The following AGO2 variants were observed in gnomAD, a reference collection of about 807,000 sequenced individuals.
AGO2 encodes argonaute RISC catalytic component 2, also known as protein argonaute-2.
AGO2 carries 5 observed loss-of-function variants against 102.3 expected under a neutral mutation model. The ratio of observed to expected loss-of-function variants is 0.05; its 90% CI spans 0.03 to 0.10. The LOEUF (loss-of-function observed/expected upper bound fraction) is 0.10. AGO2 is among the 10% of genes least tolerant of loss of function. The pLI, the probability that AGO2 is intolerant of heterozygous loss-of-function variation, is 1.00. For missense variants in AGO2, 541 were observed against 1,183.7 expected (o/e 0.46, Z 7.97); for synonymous variants, 449 against 473.1 (o/e 0.95, Z 0.66).
chr8:140,542,241 G>A (rs1476028087), intron 14 of AGO2, among the ~76,000 whole-genome samples: 1 of 152,130 alleles, frequency 6.6e-6, no homozygotes, highest in Non-Finnish European at 1.5e-5. Flanking sequence ...GGCTGCGGAA[G>A]GAAAGGTCCT....
intron 3 of AGO2, among the ~76,000 whole-genome samples, chr8:140,564,995 A>G (rs2132952530): frequency 6.6e-6 from 1 of 152,084 alleles, no homozygotes; most frequent in East Asian, 1.9e-4. Flanking sequence ...CTAGCTGGGT[A>G]TGGTGGCACG....
rs2944768 is a variant in AGO2 at position 140,546,794 on chromosome 8, T to G, written c.1748+674A>C. Among the ~76,000 whole-genome samples, 3 of 152,230 alleles carry G rather than the reference T, an allele frequency of 2.0e-5. No individual in the cohort carries two copies. In the East Asian group the frequency reaches 5.8e-4, roughly 29 times the overall value. Reference sequence around the variant, plus strand: ...CAGGGTTGGCAAAGATGCCTGTCATTGTGTGGAGACGTCTTTCTTGCCTAC... The same window carrying G: ...CAGGGTTGGCAAAGATGCCTGTCATGGTGTGGAGACGTCTTTCTTGCCTAC... On this transcript the variant is annotated intron_variant, in intron 13 of 18. Transcript: ENST00000220592.
intron 1 of AGO2, among the ~76,000 whole-genome samples, chr8:140,634,396 C>A (rs1384996304): frequency 6.6e-6 from 1 of 152,220 alleles, no homozygotes; most frequent in South Asian, 2.1e-4. Context: ...TAAACATAAG[C>A]CCAGAGCCCG....
intron 1 of AGO2, among the ~76,000 whole-genome samples, chr8:140,633,982 T>A (rs1488747211): frequency 6.6e-6 from 1 of 152,198 alleles, no homozygotes; most frequent in East Asian, 1.9e-4. Context: ...GTGCTGTCAG[T>A]CCCATAAGCT....
At chr8:140,579,122 C>T (rs1308674108) in intron 2 of AGO2, among the ~76,000 whole-genome samples, 1 of 151,880 alleles carries the variant, frequency 6.6e-6, no homozygotes, top group Non-Finnish European at 1.5e-5. Flanking sequence ...ACTTGGGAGG[C>T]TGAGGTGGAA....
intron 1 of AGO2, among the ~76,000 whole-genome samples, chr8:140,620,062 G>A (rs1329089947): frequency 6.6e-6 from 1 of 152,168 alleles, no homozygotes; most frequent in Non-Finnish European, 1.5e-5. Context: ...AGAGCATCTT[G>A]CAGGTTCCAG....
the AGO2 span, among the ~76,000 whole-genome samples, chr8:140,642,226 G>A: frequency 2.6e-5 from 4 of 152,248 alleles, no homozygotes; most frequent in South Asian, 2.1e-4. Context: ...GGAGCGGCAC[G>A]GCACTGACAT....
rs1341238205 is a variant in AGO2 at position 140,589,758 on chromosome 8, C to A, written c.23-4447G>T. Among the ~76,000 whole-genome samples, 3 of 149,618 alleles carry A rather than the reference C, an allele frequency of 2.0e-5. No individual in the cohort carries two copies. The highest frequency in any genetic ancestry group is 3.0e-5 in the Non-Finnish European group (2 of 67,190). On this transcript the variant is annotated intron_variant, in intron 1 of 18. Transcript: ENST00000220592. This position sits in a 1 kb window ranked among gnomAD's most constrained non-coding sequence, Gnocchi z 4.2. ...GTGATGCCAGGACAGGATGCCCTGGCCAGGCAATGGCACAGCAGCCACCGA... is the reference window on the plus strand; with the variant it reads ...GTGATGCCAGGACAGGATGCCCTGGACAGGCAATGGCACAGCAGCCACCGA...
At chr8:140,635,911 G>T (rs2074403656), upstream of AGO2, among the ~76,000 whole-genome samples, 3 of 148,832 alleles carry the variant, frequency 2.0e-5, 1 homozygote, top group Admixed American at 1.3e-4. Flanking sequence ...GGCCGAGGGC[G>T]GCGCGGCCCG....
intron 10 of AGO2, among the ~76,000 whole-genome samples, chr8:140,554,376 A>G (rs1337359688): frequency 2.6e-5 from 4 of 151,708 alleles, no homozygotes; most frequent in Non-Finnish European, 5.9e-5. Flanking sequence ...AGGGACACAG[A>G]CCCCCCCACG....
At chr8:140,640,470 A>T, upstream of AGO2, among the ~76,000 whole-genome samples, 1 of 151,908 alleles carries the variant, frequency 6.6e-6, no homozygotes, top group African/African-American at 2.4e-5. Context: ...TGTCTCACCT[A>T]TGAGGTGTGG....
chr8:140,618,202 C>T (rs2074167133), intron 1 of AGO2, among the ~76,000 whole-genome samples: 1 of 152,070 alleles, frequency 6.6e-6, no homozygotes, highest in Non-Finnish European at 1.5e-5. Context: ...CGCCTGTAAT[C>T]CCAGCTACTT....
chr8:140,532,840 CAAA>C (rs1351650491), intron 17 of AGO2: 2 of 468,182 alleles, frequency 4.3e-6, no homozygotes, highest in African/African-American at 2.0e-5. Context: ...ACTAAAAATA[CAAA>C]AAAATTAGCT....
intron 1 of AGO2, among the ~76,000 whole-genome samples, chr8:140,613,859 A>AC (rs11410105): frequency 0.44 from 66,566 of 151,432 alleles, 14,738 homozygotes; most frequent in Non-Finnish European, 0.48. Flanking sequence ...CCACAACAAA[A>AC]ATTTTTAAAG....
chr8:140,605,994 T>C (rs1301881639), intron 1 of AGO2: 3 of 152,270 alleles, frequency 2.0e-5, no homozygotes, highest in Non-Finnish European at 2.9e-5. Context: ...AGGCTCCAAA[T>C]ATACTCAACA....
chr8:140,608,892 C>T (rs1274995366), intron 1 of AGO2, among the ~76,000 whole-genome samples: 1 of 152,232 alleles, frequency 6.6e-6, no homozygotes, highest in African/African-American at 2.4e-5. Context: ...TTGCAAGAAT[C>T]TGCAACTGTG....
upstream of AGO2, chr8:140,635,754 G>C (rs1248731000): frequency 6.9e-6 from 1 of 143,912 alleles, no homozygotes; most frequent in Non-Finnish European, 1.5e-5. Context: ...GAGCGCGCTC[G>C]CGGGGGGAGC....
Position 140,544,296 on chromosome 8 carries a change from C to T in AGO2, c.1756G>A (p.Val586Met), listed in dbSNP as rs1426022188. The change falls in exon 14 of 19, where the codon GTG becomes ATG. Residue 586 changes from valine (V) to methionine (M), a missense_variant. By Grantham distance (21) the Val-to-Met change is conservative (BLOSUM62 1). Around this residue, in one of 6 missense-constraint regions of AGO2, gnomAD observed 309 missense variants for 735.1 expected, o/e 0.42. Coordinates refer to ENST00000220592, the MANE Select transcript of AGO2 (RefSeq NM_012154.5). The stretch of plus-strand genomic sequence containing the variant: ...AGAAAGATGACGGGCTGCTGGAACA[C>T]CGGCGGCCTGCGGAGAGGAGTGGCG... ...NILLPQGRPP[V>M]FQQPVIFLGA... 1 of 1,601,916 alleles carries T rather than the reference C, an allele frequency of 6.2e-7. No individual in the cohort carries two copies. Among genetic ancestry groups the T allele is most frequent in the South Asian group, 1.1e-5 (1 of 89,482 alleles).
At chr8:140,573,345 A>AC (rs2073415445) in intron 2 of AGO2, among the ~76,000 whole-genome samples, 1 of 140,404 alleles carries the variant, frequency 7.1e-6, no homozygotes, top group Admixed American at 7.1e-5. Context: ...AATTTTTTGT[A>AC]TTTTTTTTTT....
Sources: gnomAD v4.1 joint callset for allele counts (sites outside exome capture counted in the v4.1 genomes callset) on GRCh38, gnomAD v4.1.1 for gene constraint, gnomAD v4.1.1 regional missense constraint, Gnocchi (gnomAD v3.1) non-coding constraint, MANE v1.5 for transcripts, NCBI Gene and HGNC (gene_info 2026-07-23, HGNC 2026-07-21) for gene names.